NR6A1: variants seen among roughly 807,000 people sequenced by gnomAD.
NR6A1 encodes retinoic acid receptor-related testis-associated receptor.
Under a neutral mutation model 59.1 loss-of-function variants are expected in NR6A1, and 7 were observed. The observed-to-expected ratio is 0.12, with a 90% CI of 0.07 to 0.22. The LOEUF (loss-of-function observed/expected upper bound fraction) is 0.22. NR6A1 is among the 10% of genes least tolerant of loss of function. The pLI is 1.00. For missense variants in NR6A1, 468 were observed against 611.6 expected (o/e 0.77, Z 2.48); for synonymous variants, 243 against 236.1 (o/e 1.03, Z -0.27).
At chr9:124,763,385 A>G (rs1187662155) in intron 1 of NR6A1, among the ~76,000 whole-genome samples, 1 of 152,374 alleles carries the variant, frequency 6.6e-6, no homozygotes, top group East Asian at 1.9e-4. Context: ...GTAAATGTCA[A>G]TACAGTAAAA....
At chr9:124,723,400 T>C (rs1402779115) in intron 2 of NR6A1, among the ~76,000 whole-genome samples, 1 of 152,196 alleles carries the variant, frequency 6.6e-6, no homozygotes, top group Non-Finnish European at 1.5e-5. Flanking sequence ...CAAAACACCC[T>C]AACAGTCACT....
chr9:124,623,992 G>T lies in NR6A1; in HGVS notation c.143-69422C>A, dbSNP rs146213587. ...TCACCAGAGTCTTTTAAGTCTGAATGTAAGTTTATTATTCCCATTTCAGAG... is the reference window on the plus strand; with the variant it reads ...TCACCAGAGTCTTTTAAGTCTGAATTTAAGTTTATTATTCCCATTTCAGAG... On this transcript the variant is annotated intron_variant, in intron 2 of 9. Transcript: ENST00000487099. Among the ~76,000 whole-genome samples the T allele has an allele frequency of 6.7e-3, 1,018 of 152,262 alleles. 11 individuals are homozygous for T. The highest frequency in any genetic ancestry group is 0.025 in the South Asian group (119 of 4,822).
rs199605436 is a variant in NR6A1, at chr9:124,665,746, TAAC to T, written c.142+67559_142+67561del. Among the ~76,000 whole-genome samples, 1,100 of 152,308 alleles carry T rather than the reference TAAC, an allele frequency of 7.2e-3. 15 individuals are homozygous for T. The highest frequency in any genetic ancestry group is 0.025 in the African/African-American group (1,043 of 41,568). On this transcript the variant is annotated intron_variant, in intron 2 of 9. Coordinates refer to ENST00000487099, the MANE Select transcript of NR6A1 (RefSeq NM_033334.4). ...TCAACCCATGACTAATCTGGGCTCT[TAAC>T]AACCAAGAATATTTGAGACATGGAC...
At chr9:124,593,519 T>A (rs980876311) in intron 2 of NR6A1, among the ~76,000 whole-genome samples, 2 of 152,188 alleles carry the variant, frequency 1.3e-5, no homozygotes, top group African/African-American at 4.8e-5. Flanking sequence ...CCCTCTCCAA[T>A]TCAATACAGT....
chr9:124,599,415 G>C, intron 2 of NR6A1: 1 of 370,792 alleles, frequency 2.7e-6, no homozygotes, highest in Non-Finnish European at 5.1e-6. Context: ...GCGATACATG[G>C]TCTCAAAAAA....
intron 2 of NR6A1, among the ~76,000 whole-genome samples, chr9:124,616,549 G>C (rs571711418): frequency 3.3e-5 from 5 of 151,800 alleles, no homozygotes; most frequent in Non-Finnish European, 7.4e-5. Flanking sequence ...ATGATGATCA[G>C]ATCTGCATCT....
rs1832753562 is a variant in NR6A1 at position 124,519,533 on chromosome 9, T to C, written c.*3172A>G. 6.6e-6 allele frequency: 1 copy of C among 152,156 alleles called. No homozygotes were observed. The highest frequency in any genetic ancestry group is 2.4e-5 in the African/African-American group (1 of 41,434). The allele number at this position is 152,156 out of a possible 1,614,324, so 9.4% of individuals were successfully genotyped here. A position where few individuals can be genotyped will look rare whatever the true frequency, so the allele number is the denominator to read the frequency against. On this transcript the variant is annotated 3_prime_UTR_variant, in exon 10 of 10. Transcript: ENST00000487099. Reference sequence around the variant, plus strand: ...AAGGAGAGGGAGGGAAAGGCTTGCATGTTTCAATGTAGTGCAAGGAGGTGG... The same window carrying C: ...AAGGAGAGGGAGGGAAAGGCTTGCACGTTTCAATGTAGTGCAAGGAGGTGG...
intron 2 of NR6A1, among the ~76,000 whole-genome samples, chr9:124,631,570 T>G (rs1374679853): frequency 6.6e-6 from 1 of 152,198 alleles, no homozygotes; most frequent in East Asian, 1.9e-4. Context: ...CCAAGAATCT[T>G]TCCCCAAACA....
chr9:124,690,161 C>T (rs1048407293), intron 2 of NR6A1, among the ~76,000 whole-genome samples: 1 of 152,144 alleles, frequency 6.6e-6, no homozygotes, highest in Non-Finnish European at 1.5e-5. Flanking sequence ...TGGGAAACAC[C>T]TAGGCAGACG....
At chr9:124,756,358 G>T (rs1840630198) in intron 1 of NR6A1, among the ~76,000 whole-genome samples, 1 of 152,182 alleles carries the variant, frequency 6.6e-6, no homozygotes, top group Non-Finnish European at 1.5e-5. Context: ...CAAATTACAA[G>T]TTTCTGATCA....
At chr9:124,631,848 G>T (rs1836452525) in intron 2 of NR6A1, among the ~76,000 whole-genome samples, 1 of 152,156 alleles carries the variant, frequency 6.6e-6, no homozygotes, top group African/African-American at 2.4e-5. Flanking sequence ...GCCCCAGTAT[G>T]TGTTGTTCCC....
chr9:124,522,620 C>T lies in NR6A1; in HGVS notation c.*85G>A. 9.5e-7 allele frequency: 1 copy of T among 1,049,184 alleles called. No homozygotes were observed. Among genetic ancestry groups the T allele is most frequent in the South Asian group, 1.4e-5 (1 of 70,668 alleles). The allele number at this position is 1,049,184 out of a possible 1,614,324, so 65.0% of individuals were successfully genotyped here. On this transcript the variant is annotated 3_prime_UTR_variant, in exon 10 of 10. Transcript: ENST00000487099. Reference sequence around the variant, plus strand: ...GGAAATGCTGCTCCACAGCCTCCATCTTGGTCTCTCTGGCTTTTCCCTCCA... The same window carrying T: ...GGAAATGCTGCTCCACAGCCTCCATTTTGGTCTCTCTGGCTTTTCCCTCCA...
intron 2 of NR6A1, among the ~76,000 whole-genome samples, chr9:124,590,963 G>T (rs1250476906): frequency 6.6e-6 from 1 of 152,104 alleles, no homozygotes; most frequent in Non-Finnish European, 1.5e-5. Flanking sequence ...TAGAGAAAAG[G>T]CCAGAAATTT....
intron 2 of NR6A1, among the ~76,000 whole-genome samples, chr9:124,661,988 G>A (rs1837450814): frequency 6.6e-6 from 1 of 151,820 alleles, no homozygotes; most frequent in East Asian, 1.9e-4. Context: ...ACATCCAGCT[G>A]GACATGAAAA....
rs1287390039 is a variant in NR6A1, at chr9:124,522,221, A to G, written c.*484T>C. ...TTTTATCTGGCAATTCTGTGGCTAA[A>G]AAAGGCAATTTGCTCTCTGACAGAC... On this transcript the variant is annotated 3_prime_UTR_variant, in exon 10 of 10. Coordinates refer to ENST00000487099, the MANE Select transcript of NR6A1 (RefSeq NM_033334.4). 2 of 154,768 alleles carry G rather than the reference A, an allele frequency of 1.3e-5. No individual in the cohort carries two copies. The highest frequency in any genetic ancestry group is 2.4e-5 in the African/African-American group (1 of 41,470). The allele number at this position is 154,768 out of a possible 1,614,324, so 9.6% of individuals were successfully genotyped here.
At chr9:124,626,871 T>C (rs562109929) in intron 2 of NR6A1, among the ~76,000 whole-genome samples, 1 of 152,086 alleles carries the variant, frequency 6.6e-6, no homozygotes, top group South Asian at 2.1e-4. Context: ...GAGGTGGAGT[T>C]TGCAGTGAGC....
chr9:124,706,118 G>C (rs765043273), intron 2 of NR6A1, among the ~76,000 whole-genome samples: 11 of 152,050 alleles, frequency 7.2e-5, no homozygotes, highest in Non-Finnish European at 1.2e-4. Context: ...TGTTTACTTA[G>C]TGGTTGCTCT....
chr9:124,612,517 C>A lies in NR6A1; in HGVS notation c.143-57947G>T, dbSNP rs924650338. Among the ~76,000 whole-genome samples the A allele has an allele frequency of 5.3e-5, 8 of 152,258 alleles. No homozygotes were observed. The East Asian group carries it at 1.5e-3, about 29-fold the overall frequency. On this transcript the variant is annotated intron_variant, in intron 2 of 9. Transcript: ENST00000487099. ...TTCAGGACTTAAAATAGCACTGCAC[C>A]TAAAGGGAAGAGTACCAGGAACATA...
rs189515624 is a variant in NR6A1 at position 124,635,317 on chromosome 9, C to T, written c.143-80747G>A. Among the ~76,000 whole-genome samples the T allele has an allele frequency of 8.5e-5, 13 of 152,212 alleles. No individual in the cohort carries two copies. In the East Asian group the frequency reaches 2.1e-3, roughly 25 times the overall value. ...AATCTCACCTTGAATTGTAATAATC[C>T]CCAAGTGTCAAGGGCGGGACCAGGT... On this transcript the variant is annotated intron_variant, in intron 2 of 9. Transcript: ENST00000487099.
Sources: allele counts gnomAD v4.1 joint callset (sites outside exome capture counted in the v4.1 genomes callset), GRCh38; gene constraint gnomAD v4.1.1; transcripts MANE v1.5; gene names NCBI Gene and HGNC (gene_info 2026-07-23, HGNC 2026-07-21).